Variants in COL5A2 observed in about 807,000 individuals in gnomAD.
COL5A2 encodes the protein collagen type V alpha 2 chain.
A neutral mutation model predicts 208.2 loss-of-function variants in COL5A2; 23 were observed. That is an observed-to-expected ratio of 0.11 (90% CI 0.08 to 0.16). The LOEUF (loss-of-function observed/expected upper bound fraction) is 0.16, where lower values mean the gene tolerates loss of function less well. COL5A2 is among the 10% of genes least tolerant of loss of function. The pLI is 1.00. For synonymous variants in COL5A2, 625 were observed against 628.5 expected (o/e 0.99, Z 0.08); for missense variants, 1,590 against 1,956.4 (o/e 0.81, Z 3.53).
rs150260969 is a variant in COL5A2 at position 189,057,366 on chromosome 2, G to A, written c.2291C>T (p.Pro764Leu). Reference protein sequence around the residue: ...DTGPPGLQGMPGERGIAGTPG... With the variant: ...DTGPPGLQGMLGERGIAGTPG... ...AGTTCCTGCAATTCCTCTTTCTCCC[G>A]GCATACCTTGAAGACCTGGTGGGCC... The change falls in exon 34 of 54, where the codon CCG (proline) becomes CTG (leucine). Residue 764 changes from proline to leucine, a missense_variant. Pro to Leu is a moderately conservative substitution (Grantham distance 98). Coordinates refer to ENST00000374866, the MANE Select transcript of COL5A2 (RefSeq NM_000393.5). 9.3e-6 allele frequency: 15 copies of A among 1,608,282 alleles called. No individual in the cohort carries two copies. Among genetic ancestry groups the A allele is most frequent in the East Asian group, 4.5e-5 (2 of 44,584 alleles).
the COL5A2 span, among the ~76,000 whole-genome samples, chr2:189,427,333 G>A: frequency 6.6e-6 from 1 of 152,184 alleles, no homozygotes; most frequent in Non-Finnish European, 1.5e-5. Flanking sequence ...CAAGAGTTGA[G>A]GCTTGGGAGC....
At chr2:189,388,032 A>C in the COL5A2 span, among the ~76,000 whole-genome samples, 1 of 152,054 alleles carries the variant, frequency 6.6e-6, no homozygotes, top group African/African-American at 2.4e-5. Flanking sequence ...CAATCTGCCC[A>C]CCTCAGCCTC....
intron 51 of COL5A2, among the ~76,000 whole-genome samples, chr2:189,038,838 C>T (rs1031922927): frequency 2.0e-5 from 3 of 152,218 alleles, no homozygotes; most frequent in South Asian, 4.1e-4. Context: ...TACAGGCACC[C>T]GCCACCACGC....
At chr2:189,274,406 A>G in the COL5A2 span, among the ~76,000 whole-genome samples, 2 of 152,138 alleles carry the variant, frequency 1.3e-5, no homozygotes, top group Admixed American at 6.6e-5. Flanking sequence ...AGTTCTCTGT[A>G]TGTTTTGTCC....
the COL5A2 span, among the ~76,000 whole-genome samples, chr2:189,359,978 T>G: frequency 6.6e-6 from 1 of 152,160 alleles, no homozygotes; most frequent in South Asian, 2.1e-4. Context: ...GCTAAAGATT[T>G]GTCAATTTTG....
At chr2:189,281,243 A>C in the COL5A2 span, among the ~76,000 whole-genome samples, 4 of 152,178 alleles carry the variant, frequency 2.6e-5, no homozygotes, top group Admixed American at 2.0e-4. Flanking sequence ...TAACTAGTAA[A>C]TGGTGGAATT....
intron 1 of COL5A2, among the ~76,000 whole-genome samples, chr2:189,157,528 T>C: frequency 6.6e-6 from 1 of 151,988 alleles, no homozygotes; most frequent in Non-Finnish European, 1.5e-5. Flanking sequence ...GAGAAGGTGA[T>C]ATTTCACTAC....
At chr2:189,417,810 G>GTGTGTATATATATATACACATACATATA in the COL5A2 span, among the ~76,000 whole-genome samples, 2 of 151,578 alleles carry the variant, frequency 1.3e-5, no homozygotes, top group African/African-American at 2.4e-5. Context: ...CATTGTGTGT[G>GTGTGTATATATATATACACATACATATA]TGTGTATATA....
At chr2:189,284,047 A>G in the COL5A2 span, among the ~76,000 whole-genome samples, 1 of 152,314 alleles carries the variant, frequency 6.6e-6, no homozygotes, top group South Asian at 2.1e-4. Flanking sequence ...CAGGTCATGA[A>G]TAAGCATACT....
the COL5A2 span, among the ~76,000 whole-genome samples, chr2:189,413,952 C>T: frequency 2.6e-5 from 4 of 151,964 alleles, no homozygotes; most frequent in East Asian, 3.9e-4. Context: ...CCACTGCGCC[C>T]GGCTAATTTG....
chr2:189,173,794 C>T (rs1688620351), intron 1 of COL5A2, among the ~76,000 whole-genome samples: 1 of 152,074 alleles, frequency 6.6e-6, no homozygotes, highest in Non-Finnish European at 1.5e-5. Context: ...AATATTAAAT[C>T]AAGGAATATC....
intron 1 of COL5A2, among the ~76,000 whole-genome samples, chr2:189,166,760 C>T (rs557546614): frequency 2.0e-5 from 3 of 152,108 alleles, no homozygotes; most frequent in African/African-American, 4.8e-5. Flanking sequence ...ATTCTCGTGG[C>T]GAGAAAATAT....
intron 1 of COL5A2, among the ~76,000 whole-genome samples, chr2:189,127,957 A>C (rs569016413): frequency 6.6e-6 from 1 of 152,180 alleles, no homozygotes; most frequent in East Asian, 1.9e-4. Context: ...TATATAAATA[A>C]GGTCATAAAA....
intron 21 of COL5A2, 47 bp from the exon 22 acceptor site, chr2:189,066,829 G>A (rs1052484091): frequency 4.2e-5 from 59 of 1,417,600 alleles, no homozygotes; most frequent in Non-Finnish European, 5.7e-5. Context: ...CATTTAGCTA[G>A]TCCAATCTGC....
chr2:189,097,910 C>T (rs1255956075), intron 5 of COL5A2, among the ~76,000 whole-genome samples: 2 of 152,118 alleles, frequency 1.3e-5, no homozygotes, highest in African/African-American at 4.8e-5. Context: ...TGCATTACTT[C>T]CCTTGTATGT....
chr2:189,314,252 C>A, the COL5A2 span, among the ~76,000 whole-genome samples: 1 of 152,080 alleles, frequency 6.6e-6, no homozygotes, highest in African/African-American at 2.4e-5. Context: ...GTCTCTCAGA[C>A]CACAGTACAA....
the COL5A2 span, among the ~76,000 whole-genome samples, chr2:189,340,106 A>G: frequency 6.6e-6 from 1 of 152,118 alleles, no homozygotes; most frequent in African/African-American, 2.4e-5. Flanking sequence ...GGCTCTGTAG[A>G]CCATCAGCAG....
the COL5A2 span, among the ~76,000 whole-genome samples, chr2:189,329,909 GT>G: frequency 8.8e-5 from 13 of 147,818 alleles, no homozygotes; most frequent in South Asian, 4.3e-4. Context: ...AATAATGGTT[GT>G]TTTTTTTTTA....
At chr2:189,128,066 T>G (rs1453357918) in intron 1 of COL5A2, among the ~76,000 whole-genome samples, 1 of 152,052 alleles carries the variant, frequency 6.6e-6, no homozygotes, top group Non-Finnish European at 1.5e-5. Flanking sequence ...ACAAATCCAC[T>G]GCAGCAATTA....
Sources: gnomAD v4.1 joint callset for allele counts (sites outside exome capture counted in the v4.1 genomes callset) on GRCh38, gnomAD v4.1.1 for gene constraint, MANE v1.5 for transcripts, NCBI Gene and HGNC (gene_info 2026-07-23, HGNC 2026-07-21) for gene names.